Variants in SLC33A1 observed in about 807,000 individuals in gnomAD.
SLC33A1 encodes acetyl-coenzyme A transporter 1.
A neutral mutation model predicts 50.0 loss-of-function variants in SLC33A1; 20 were observed. The ratio of observed to expected loss-of-function variants is 0.40; its 90% CI spans 0.28 to 0.58. SLC33A1 has a LOEUF of 0.58. Ranked by LOEUF, SLC33A1 falls within the 20% of genes least tolerant of loss-of-function variation. The probability of loss-of-function intolerance (pLI) is 0.44; values close to 1 mark genes in which losing one functional copy is unlikely to be tolerated. For synonymous variants in SLC33A1, 265 were observed against 251.8 expected (o/e 1.05, Z -0.50); for missense variants, 476 against 657.0 (o/e 0.72, Z 3.01).
chr3:155,847,516 G>T (rs1395522579), intron 1 of SLC33A1, among the ~76,000 whole-genome samples: 2 of 151,858 alleles, frequency 1.3e-5, no homozygotes, highest in Non-Finnish European at 2.9e-5. Flanking sequence ...AAGCTGAGGT[G>T]GGCGGATCAC....
intron 2 of SLC33A1, among the ~76,000 whole-genome samples, chr3:155,841,485 T>C (rs998233593): frequency 1.3e-5 from 2 of 152,056 alleles, no homozygotes; most frequent in Admixed American, 1.3e-4. Flanking sequence ...AAAATGAAAA[T>C]CCTATAAGAT....
intron 4 of SLC33A1, among the ~76,000 whole-genome samples, chr3:155,832,421 G>A (rs1752477242): frequency 6.6e-6 from 1 of 151,998 alleles, no homozygotes; most frequent in South Asian, 2.1e-4. Flanking sequence ...TTAGGCTAGA[G>A]CAAAGTGGGG....
At chr3:155,846,841 C>T (rs1466293684) in intron 1 of SLC33A1, among the ~76,000 whole-genome samples, 1 of 152,128 alleles carries the variant, frequency 6.6e-6, no homozygotes, top group Non-Finnish European at 1.5e-5. Context: ...TTCAAATGCA[C>T]AGGATAAACA....
intron 1 of SLC33A1, among the ~76,000 whole-genome samples, chr3:155,850,517 AATGTT>A (rs1753355624): frequency 2.0e-5 from 3 of 152,160 alleles, no homozygotes; most frequent in African/African-American, 7.2e-5. Flanking sequence ...TCCAGAGAAT[AATGTT>A]ATGAGTTCAA....
At position 155,825,846 on chromosome 3, in the gene SLC33A1, T is replaced by C. The variant is rs1752184485; in HGVS notation, c.*2364A>G. The stretch of plus-strand genomic sequence containing the variant: ...AAAACAGGGTGGTATATTTTAGTAC[T>C]ACTGATTTATAATAAACAGATCCTC... On this transcript the variant is annotated 3_prime_UTR_variant, in exon 6 of 6. Coordinates refer to ENST00000643144, the MANE Select transcript of SLC33A1 (RefSeq NM_004733.4). The C allele has an allele frequency of 6.6e-6, 1 of 152,336 alleles. No homozygotes were observed. Among genetic ancestry groups the C allele is most frequent in the South Asian group, 2.1e-4 (1 of 4,830 alleles). The allele number at this position is 152,336 out of a possible 1,614,324, so 9.4% of individuals were successfully genotyped here.
rs1269835662 is a variant in SLC33A1 at position 155,822,147 on chromosome 3, A to T, written c.*6063T>A. ...CTCTAATTTTATAGGGGCAGGTGATAAAAAAATTTCAATTTCACTAACTCT... is the reference window on the plus strand; with the variant it reads ...CTCTAATTTTATAGGGGCAGGTGATTAAAAAATTTCAATTTCACTAACTCT... On this transcript the variant is annotated 3_prime_UTR_variant, in exon 6 of 6. Transcript: ENST00000643144. The T allele has an allele frequency of 1.3e-5, 2 of 152,144 alleles. No individual in the cohort carries two copies. Among genetic ancestry groups the T allele is most frequent in the African/African-American group, 4.8e-5 (2 of 41,430 alleles). The allele number at this position is 152,144 out of a possible 1,614,324, so 9.4% of individuals were successfully genotyped here.
intron 2 of SLC33A1, among the ~76,000 whole-genome samples, chr3:155,841,949 T>C (rs898751433): frequency 1.7e-4 from 26 of 151,962 alleles, no homozygotes; most frequent in Admixed American, 1.3e-3. Context: ...GGTTTCACCA[T>C]GTTAGCCAGG....
At chr3:155,839,689 A>G (rs1183209033) in intron 2 of SLC33A1, among the ~76,000 whole-genome samples, 1 of 152,110 alleles carries the variant, frequency 6.6e-6, no homozygotes, top group African/African-American at 2.4e-5. Context: ...TGGCTCACAC[A>G]TGTAATCCCA....
Position 155,829,898 on chromosome 3 carries a change from T to A in SLC33A1, c.1272A>T (p.Thr424=), listed in dbSNP as rs1317579311. The change falls in exon 5 of 6, where the codon ACA becomes ACT. Residue 424 remains threonine (T), a synonymous_variant. Transcript: ENST00000643144. ...VLLSYALHQV[T]VYSMYVSIMA... is the part of the protein sequence containing the mutation. The stretch of plus-strand genomic sequence containing the variant: ...TTATAGAAACATACATGCTGTACAC[T>A]GTAACCTACGGAAAAATGTAAAACA... The A allele has an allele frequency of 1.2e-5, 20 of 1,603,116 alleles. No individual in the cohort carries two copies. Among genetic ancestry groups the A allele is most frequent in the Non-Finnish European group, 1.5e-5 (17 of 1,170,318 alleles).
At chr3:155,839,296 GC>G (rs1752828729) in intron 2 of SLC33A1, among the ~76,000 whole-genome samples, 1 of 44,954 alleles carries the variant, frequency 2.2e-5, no homozygotes, top group Non-Finnish European at 4.8e-5. Context: ...GTGAAACTCC[GC>G]CTCAAAAAAA....
At chr3:155,838,871 G>C (rs146602925) in intron 2 of SLC33A1, among the ~76,000 whole-genome samples, 1 of 150,918 alleles carries the variant, frequency 6.6e-6, no homozygotes, top group Non-Finnish European at 1.5e-5. Flanking sequence ...AAAATAGGCC[G>C]GGTGCGGTGG....
At position 155,854,151 on chromosome 3, in the gene SLC33A1, CA is replaced by C. The variant is rs960199521; in HGVS notation, c.-155del. On this transcript the variant is annotated 5_prime_UTR_variant, in exon 1 of 6. Transcript: ENST00000643144. ...AGAGCGATAAGGGCACTTCTTACTG[CA>C]GCCCGGAGTGCTGAAGCCGGGAGCC... The C allele has an allele frequency of 3.6e-6, 2 of 558,660 alleles. No homozygotes were observed. The highest frequency in any genetic ancestry group is 6.0e-6 in the Non-Finnish European group (2 of 330,826). The allele number at this position is 558,660 out of a possible 1,614,324, so 34.6% of individuals were successfully genotyped here.
At chr3:155,838,172 G>A (rs188904597) in intron 2 of SLC33A1, among the ~76,000 whole-genome samples, 95 of 151,992 alleles carry the variant, frequency 6.3e-4, no homozygotes, top group African/African-American at 2.1e-3. Context: ...GCATGGTGGT[G>A]CACGCCTGTA....
Position 155,826,996 on chromosome 3 carries a change from G to C in SLC33A1, c.*1214C>G, listed in dbSNP as rs762229728. On this transcript the variant is annotated 3_prime_UTR_variant, in exon 6 of 6. Coordinates refer to ENST00000643144, the MANE Select transcript of SLC33A1 (RefSeq NM_004733.4). Reference sequence around the variant, plus strand: ...CAAAGAACCTTATCACTGGGTGTATGTAATACGCTGGGAATTGCTAAAGTA... The same window carrying C: ...CAAAGAACCTTATCACTGGGTGTATCTAATACGCTGGGAATTGCTAAAGTA... 6.6e-6 allele frequency: 1 copy of C among 152,126 alleles called. No individual in the cohort carries two copies. The highest frequency in any genetic ancestry group is 2.4e-5 in the African/African-American group (1 of 41,436). 9.4% of individuals were successfully genotyped at this position (152,126 alleles called of 1,614,324 possible). A position where few individuals can be genotyped will look rare whatever the true frequency, so the allele number is the denominator to read the frequency against.
intron 1 of SLC33A1, among the ~76,000 whole-genome samples, chr3:155,850,504 C>G (rs1560023354): frequency 6.6e-6 from 1 of 152,160 alleles, no homozygotes; most frequent in Non-Finnish European, 1.5e-5. Flanking sequence ...GGTAAAACAT[C>G]ATTCCAGAGA....
intron 1 of SLC33A1, among the ~76,000 whole-genome samples, chr3:155,851,498 A>G (rs1753399240): frequency 6.7e-6 from 1 of 150,292 alleles, no homozygotes; most frequent in African/African-American, 2.4e-5. Context: ...CAGTCCTCCC[A>G]CCTCAGACTC....
chr3:155,833,644 A>G (rs1160255861), intron 3 of SLC33A1, 59 bp from the exon 4 acceptor site: 4 of 1,113,752 alleles, frequency 3.6e-6, no homozygotes, highest in East Asian at 2.4e-5. Context: ...AACAACAACA[A>G]AAACAGAAAT....
At chr3:155,836,248 C>T (rs1248263193) in intron 2 of SLC33A1, among the ~76,000 whole-genome samples, 2 of 115,068 alleles carry the variant, frequency 1.7e-5, no homozygotes, top group Admixed American at 1.3e-4. Flanking sequence ...CGCGCCACTG[C>T]ACTCCAGCCT....
intron 2 of SLC33A1, among the ~76,000 whole-genome samples, chr3:155,837,143 A>C (rs556575228): frequency 6.6e-6 from 1 of 151,992 alleles, no homozygotes; most frequent in South Asian, 2.1e-4. Flanking sequence ...GGTGGATCAC[A>C]AGGTCAGGAG....
Sources: allele counts gnomAD v4.1 joint callset (sites outside exome capture counted in the v4.1 genomes callset), GRCh38; gene constraint gnomAD v4.1.1; transcripts MANE v1.5; gene names NCBI Gene and HGNC (gene_info 2026-07-23, HGNC 2026-07-21).